The following RSU1 variants were observed in gnomAD, a reference collection of about 807,000 sequenced individuals.
RSU1 encodes the protein Ras suppressor protein 1.
In RSU1, 26 loss-of-function variants were observed where a neutral mutation model predicts 31.1. That is an observed-to-expected ratio of 0.84 (90% CI 0.61 to 1.16). RSU1 has a LOEUF of 1.16. RSU1 is among the 50% of genes most tolerant of loss of function. The probability of loss-of-function intolerance (pLI) is 0.00; values close to 1 mark genes in which losing one functional copy is unlikely to be tolerated. For missense variants in RSU1, 320 were observed against 339.1 expected, an observed-to-expected ratio of 0.94 and a Z score of 0.44; for synonymous variants, 164 against 136.3, an observed-to-expected ratio of 1.20 and a Z score of -1.41.
At chr10:16,800,131 C>T (rs531652753) in intron 2 of RSU1, among the ~76,000 whole-genome samples, 7 of 152,174 alleles carry the variant, frequency 4.6e-5, no homozygotes, top group African/African-American at 1.4e-4. Context: ...TGTGAGAACT[C>T]GCACTAAAAG....
intron 8 of RSU1, among the ~76,000 whole-genome samples, chr10:16,681,668 A>C (rs1316933234): frequency 6.6e-6 from 1 of 152,160 alleles, no homozygotes; most frequent in Non-Finnish European, 1.5e-5. Context: ...CTAGTTTGAA[A>C]CTTGAGCTGT....
chr10:16,715,628 T>G (rs374026782), intron 7 of RSU1, among the ~76,000 whole-genome samples: 2 of 152,356 alleles, frequency 1.3e-5, no homozygotes, highest in African/African-American at 4.8e-5. Context: ...AGGCAAGGAT[T>G]TATTTCTGGG....
intron 2 of RSU1, among the ~76,000 whole-genome samples, chr10:16,791,757 C>A (rs1444403716): frequency 2.0e-5 from 3 of 151,918 alleles, no homozygotes; most frequent in Non-Finnish European, 4.4e-5. Flanking sequence ...TCCTCTTCTT[C>A]AGGATAAAGT....
At chr10:16,650,419 C>T (rs1248932074) in intron 8 of RSU1, among the ~76,000 whole-genome samples, 1 of 152,052 alleles carries the variant, frequency 6.6e-6, no homozygotes, top group African/African-American at 2.4e-5. Context: ...ACAGTAGGTC[C>T]TCCATAAATG....
In RSU1 at chr10:16,661,245, T is replaced by C. The variant is rs1389226823; in HGVS notation, c.731+33778A>G. 2.0e-5 allele frequency among the ~76,000 whole-genome samples: 3 copies of C among 151,882 alleles called. No individual in the cohort carries two copies. The East Asian group carries it at 5.8e-4, about 29-fold the overall frequency. ...ATGTTATTCCCTGTTTGGTAATTTT[T>C]CATTGCTTCCCTGAGAGTGTATGTG... is the stretch of plus-strand genomic sequence containing the variant. On this transcript the variant is annotated intron_variant, in intron 8 of 8. Coordinates refer to ENST00000345264, the MANE Select transcript of RSU1 (RefSeq NM_012425.4).
At chr10:16,747,672 TC>T (rs1472920623) in intron 7 of RSU1, among the ~76,000 whole-genome samples, 1 of 152,182 alleles carries the variant, frequency 6.6e-6, no homozygotes, top group Non-Finnish European at 1.5e-5. Context: ...TCTCAGACTC[TC>T]CACTTCCACC....
At chr10:16,741,940 T>C (rs980142836) in intron 7 of RSU1, among the ~76,000 whole-genome samples, 1 of 152,152 alleles carries the variant, frequency 6.6e-6, no homozygotes, top group East Asian at 1.9e-4. Context: ...GTAAGGGTTA[T>C]GTATGTTTCA....
chr10:16,592,077 T>C lies in RSU1; in HGVS notation c.*1317A>G, dbSNP rs1164639120. On this transcript the variant is annotated 3_prime_UTR_variant, in exon 9 of 9. Transcript: ENST00000345264. ...GTTGTTTGATTTTGATTTTTGACTT[T>C]TTTATATGCCCCAGTGGGTCCTGGT... The C allele has an allele frequency of 6.6e-6, 1 of 151,836 alleles. No individual in the cohort carries two copies. Among genetic ancestry groups the C allele is most frequent in the Non-Finnish European group, 1.5e-5 (1 of 68,034 alleles). 9.4% of individuals were successfully genotyped at this position (151,836 alleles called of 1,614,324 possible).
intron 8 of RSU1, among the ~76,000 whole-genome samples, chr10:16,674,625 G>C (rs1376604575): frequency 6.6e-6 from 1 of 152,046 alleles, no homozygotes; most frequent in Non-Finnish European, 1.5e-5. Context: ...AGGCAGGAGT[G>C]GGTGGTGGGC....
At chr10:16,635,478 TAGC>T (rs1588685969) in intron 8 of RSU1, among the ~76,000 whole-genome samples, 3 of 152,356 alleles carry the variant, frequency 2.0e-5, no homozygotes, top group African/African-American at 7.2e-5. Context: ...CCCACACCCT[TAGC>T]AGCCTACCAT....
intron 2 of RSU1, among the ~76,000 whole-genome samples, chr10:16,803,206 T>C (rs746328860): frequency 1.3e-5 from 2 of 152,112 alleles, no homozygotes; most frequent in African/African-American, 4.8e-5. Context: ...ACAAAGGCAA[T>C]TGCTTTTCTA....
intron 7 of RSU1, among the ~76,000 whole-genome samples, chr10:16,733,771 T>C (rs1836569851): frequency 6.6e-6 from 1 of 152,192 alleles, no homozygotes; most frequent in Non-Finnish European, 1.5e-5. Flanking sequence ...TGAATGAGCT[T>C]GAATGAGAAG....
chr10:16,697,079 T>C (rs1835690781), intron 7 of RSU1, among the ~76,000 whole-genome samples: 1 of 152,192 alleles, frequency 6.6e-6, no homozygotes, highest in African/African-American at 2.4e-5. Context: ...AGTCTATTTC[T>C]GATGTGTCGT....
intron 2 of RSU1, among the ~76,000 whole-genome samples, chr10:16,791,845 G>A (rs959868987): frequency 6.6e-6 from 1 of 152,068 alleles, no homozygotes; most frequent in Admixed American, 6.5e-5. Context: ...CGTTCCCAAG[G>A]TGGCCCAACT....
At chr10:16,711,007 T>C (rs1588485649) in intron 7 of RSU1, among the ~76,000 whole-genome samples, 1 of 152,232 alleles carries the variant, frequency 6.6e-6, no homozygotes, top group Non-Finnish European at 1.5e-5. Context: ...CTTTCTTTTT[T>C]ATGGCTGCAC....
chr10:16,726,906 C>A (rs928292024), intron 7 of RSU1: 41 of 377,536 alleles, frequency 1.1e-4, no homozygotes, highest in Non-Finnish European at 2.0e-4. Flanking sequence ...ATCCACCATG[C>A]AGAAGGGCGT....
intron 7 of RSU1, among the ~76,000 whole-genome samples, chr10:16,706,958 T>C (rs1344235444): frequency 4.6e-5 from 7 of 151,762 alleles, no homozygotes; most frequent in African/African-American, 1.2e-4. Flanking sequence ...GTTTTTGTTG[T>C]TGTTAAGAAA....
At chr10:16,617,009 G>A (rs1833988969) in intron 8 of RSU1, among the ~76,000 whole-genome samples, 1 of 152,066 alleles carries the variant, frequency 6.6e-6, no homozygotes, top group African/African-American at 2.4e-5. Context: ...GGCAAGAGAA[G>A]GAAAGTATTC....
intron 8 of RSU1, among the ~76,000 whole-genome samples, chr10:16,647,391 C>T (rs1193042180): frequency 6.6e-6 from 1 of 152,214 alleles, no homozygotes; most frequent in Non-Finnish European, 1.5e-5. Context: ...GGCAATTCCA[C>T]TCCTAGGTAC....
Sources: allele counts gnomAD v4.1 joint callset (sites outside exome capture counted in the v4.1 genomes callset), GRCh38; gene constraint gnomAD v4.1.1; transcripts MANE v1.5; gene names NCBI Gene and HGNC (gene_info 2026-07-23, HGNC 2026-07-21).